Variants in MYLK observed in about 807,000 individuals in gnomAD.
MYLK encodes myosin light chain kinase, also known as myosin light chain kinase, smooth muscle.
A neutral mutation model predicts 203.4 loss-of-function variants in MYLK; 106 were observed. That is an observed-to-expected ratio of 0.52 (90% CI 0.45 to 0.61). The LOEUF is 0.61. Ranked by LOEUF, MYLK falls within the 20% of genes least tolerant of loss-of-function variation. MYLK has a pLI of 0.00. For synonymous variants in MYLK, 867 were observed against 959.5 expected (o/e 0.90, Z 1.78); for missense variants, 2,072 against 2,442.3 (o/e 0.85, Z 3.20).
intron 19 of MYLK, chr3:123,692,372 T>G: frequency 8.5e-7 from 1 of 1,175,352 alleles, no homozygotes; most frequent in East Asian, 5.8e-5. Context: ...CTCGGACACT[T>G]GTTTGTTGTG....
chr3:123,726,391 TG>T (rs954632544), intron 11 of MYLK, among the ~76,000 whole-genome samples: 1 of 152,186 alleles, frequency 6.6e-6, no homozygotes, highest in African/African-American at 2.4e-5. Context: ...CCTTGGCTTT[TG>T]CTGCCCTCGA....
rs2063746796 is a variant in MYLK at position 123,767,591 on chromosome 3, G to A, written c.166-15053C>T. ...CACTGCACTCCAGCCTGGGTGACAG[G>A]GTGAGACTCTGTCTCAAAACAAAAA... On this transcript the variant is annotated intron_variant, in intron 4 of 33. Coordinates refer to ENST00000360304, the MANE Select transcript of MYLK (RefSeq NM_053025.4). Among the ~76,000 whole-genome samples the A allele has an allele frequency of 2.0e-5, 3 of 152,120 alleles. No homozygotes were observed. In the South Asian group the frequency reaches 6.2e-4, roughly 32 times the overall value.
chr3:123,636,171 GA>G (rs1281206474), intron 29 of MYLK, among the ~76,000 whole-genome samples: 2 of 152,204 alleles, frequency 1.3e-5, no homozygotes, highest in Non-Finnish European at 2.9e-5. Flanking sequence ...GACCAGTAGA[GA>G]GACCAATTGT....
rs371095576 is a variant in MYLK, at chr3:123,851,918, A to C, written c.-126-20248T>G. 6.7e-3 allele frequency among the ~76,000 whole-genome samples: 1,019 copies of C among 152,242 alleles called. 10 individuals carry two copies. Among genetic ancestry groups the C allele is most frequent in the African/African-American group, 0.021 (860 of 41,562 alleles). On this transcript the variant is annotated intron_variant, in intron 2 of 33. Coordinates refer to ENST00000360304, the MANE Select transcript of MYLK (RefSeq NM_053025.4). ...GCTCTTATTATTTTGAGATACATCC[A>C]ATCAATACCTAAATTACTGAGAGTT... is the stretch of plus-strand genomic sequence containing the variant.
chr3:123,856,776 A>T (rs1360311805), intron 2 of MYLK, among the ~76,000 whole-genome samples: 1 of 152,134 alleles, frequency 6.6e-6, no homozygotes, highest in East Asian at 1.9e-4. Flanking sequence ...ATAAAAAAAA[A>T]TTGTGCAAAA....
At chr3:123,680,573 A>G (rs1258667897) in intron 20 of MYLK, among the ~76,000 whole-genome samples, 1 of 152,236 alleles carries the variant, frequency 6.6e-6, no homozygotes, top group Non-Finnish European at 1.5e-5. Flanking sequence ...CATTCTTGAT[A>G]TTCTCAGGCT....
At chr3:123,673,165 T>C (rs1381978721) in intron 20 of MYLK, among the ~76,000 whole-genome samples, 8 of 128,870 alleles carry the variant, frequency 6.2e-5, no homozygotes, top group African/African-American at 1.8e-4. Flanking sequence ...TCTTTTCTTT[T>C]TTTTTTTTTT....
At chr3:123,732,345 A>G (rs1340778200) in intron 11 of MYLK, among the ~76,000 whole-genome samples, 1 of 152,256 alleles carries the variant, frequency 6.6e-6, no homozygotes, top group Non-Finnish European at 1.5e-5. Flanking sequence ...GTATAAAAAG[A>G]TGTTAATATC....
intron 24 of MYLK, 116 bp from the exon 25 acceptor site, chr3:123,649,310 AC>A: frequency 1.5e-6 from 2 of 1,360,142 alleles, no homozygotes; most frequent in Non-Finnish European, 2.1e-6. Flanking sequence ...GCAGACGACT[AC>A]CAGGTCCAGA....
At chr3:123,680,100 G>C (rs1007929715) in intron 20 of MYLK, among the ~76,000 whole-genome samples, 1 of 152,228 alleles carries the variant, frequency 6.6e-6, no homozygotes, top group South Asian at 2.1e-4. Flanking sequence ...CTCCCCAGGT[G>C]AATATAACAC....
In MYLK at chr3:123,649,213, A is replaced by G. The variant is rs2059127109; in HGVS notation, c.4289-19T>C. ...TTCGGCTCTGGGGGGGGCACAAGGA[A>G]GGACAGAGAGGACACAGGTGATTAG... On this transcript the variant is annotated intron_variant, in intron 24 of 33. Coordinates refer to ENST00000360304, the MANE Select transcript of MYLK (RefSeq NM_053025.4). 6.2e-7 allele frequency: 1 copy of G among 1,612,070 alleles called. No individual in the cohort carries two copies. The highest frequency in any genetic ancestry group is 8.5e-7 in the Non-Finnish European group (1 of 1,179,984).
rs548251962 is a variant in MYLK, at chr3:123,702,798, G to C, written c.2391-1289C>G. On this transcript the variant is annotated intron_variant, in intron 16 of 33. Coordinates refer to ENST00000360304, the MANE Select transcript of MYLK (RefSeq NM_053025.4). Reference sequence around the variant, plus strand: ...GAGCTCGCACGTTTGACACCAGCTTGGGCAACATAGCAAGACCTTACCTCT... The same window carrying C: ...GAGCTCGCACGTTTGACACCAGCTTCGGCAACATAGCAAGACCTTACCTCT... Among the ~76,000 whole-genome samples, 3 of 152,258 alleles carry C rather than the reference G, an allele frequency of 2.0e-5. No homozygotes were observed. The South Asian group carries it at 6.2e-4, about 32-fold the overall frequency.
intron 4 of MYLK, among the ~76,000 whole-genome samples, chr3:123,768,536 T>C (rs1295417782): frequency 6.6e-6 from 1 of 152,232 alleles, no homozygotes; most frequent in African/African-American, 2.4e-5. Context: ...CTGCTGCTCC[T>C]GGCCCTTGGC....
intron 2 of MYLK, among the ~76,000 whole-genome samples, chr3:123,849,006 C>T (rs1040086974): frequency 3.9e-5 from 6 of 152,114 alleles, no homozygotes; most frequent in Admixed American, 6.6e-5. Flanking sequence ...GATGGGGTCT[C>T]GCTCTGTTGC....
chr3:123,666,093 C>G (rs1425090638), intron 22 of MYLK, 126 bp downstream of exon 22: 12 of 1,477,194 alleles, frequency 8.1e-6, no homozygotes, highest in Non-Finnish European at 1.0e-5. Context: ...GGGGAGTGGC[C>G]TCTCCCATTT....
At chr3:123,719,328 A>G (rs2877732) in intron 13 of MYLK, among the ~76,000 whole-genome samples, 3 of 151,912 alleles carry the variant, frequency 2.0e-5, no homozygotes, top group Admixed American at 2.0e-4. Context: ...GGAAGCAGGC[A>G]CGAGTGTTCA....
At chr3:123,737,351 C>T in intron 8 of MYLK, 27 bp downstream of exon 8, 2 of 1,614,042 alleles carry the variant, frequency 1.2e-6, no homozygotes, top group Non-Finnish European at 1.7e-6. Flanking sequence ...AGGGATCGTT[C>T]TGCACTAGCC....
intron 2 of MYLK, 21 bp downstream of exon 2, chr3:123,876,534 AATCC>A (rs2033163464): frequency 6.6e-6 from 1 of 152,204 alleles, no homozygotes; most frequent in African/African-American, 2.4e-5. Flanking sequence ...AAAATATAAG[AATCC>A]ATCTTTTATC....
chr3:123,772,055 G>A (rs1576920448), intron 4 of MYLK, among the ~76,000 whole-genome samples: 1 of 152,136 alleles, frequency 6.6e-6, no homozygotes, highest in African/African-American at 2.4e-5. Flanking sequence ...TAGCTATTAC[G>A]ATTAGGAAAG....
Sources: gnomAD v4.1 joint callset for allele counts (sites outside exome capture counted in the v4.1 genomes callset) on GRCh38, gnomAD v4.1.1 for gene constraint, MANE v1.5 for transcripts, NCBI Gene and HGNC (gene_info 2026-07-23, HGNC 2026-07-21) for gene names.